Variants in SEZ6L observed in about 807,000 individuals in gnomAD.
The protein encoded by SEZ6L is seizure related 6 homolog like, also known as seizure 6-like protein.
Under a neutral mutation model 106.2 loss-of-function variants are expected in SEZ6L, and 37 were observed. The ratio of observed to expected loss-of-function variants is 0.35; its 90% CI spans 0.27 to 0.46. The LOEUF is 0.46. Among genes scored for constraint, SEZ6L ranks in the 20% least tolerant of loss-of-function variants. The pLI, the probability that SEZ6L is intolerant of heterozygous loss-of-function variation, is 1.00. For missense variants in SEZ6L, 1,172 were observed against 1,332.8 expected, an observed-to-expected ratio of 0.88 and a Z score of 1.88; for synonymous variants, 541 against 570.4, an observed-to-expected ratio of 0.95 and a Z score of 0.73.
At chr22:26,220,702 C>G (rs543671523) in intron 1 of SEZ6L, among the ~76,000 whole-genome samples, 1 of 152,314 alleles carries the variant, frequency 6.6e-6, no homozygotes, top group East Asian at 1.9e-4. Context: ...CTGCAATCCC[C>G]TGCCTGTCCC....
At chr22:26,268,835 C>A (rs971364311) in intron 1 of SEZ6L, among the ~76,000 whole-genome samples, 6 of 152,186 alleles carry the variant, frequency 3.9e-5, no homozygotes, top group Admixed American at 6.5e-5. Context: ...AGTTGAGAAC[C>A]AGTGGCCTAT....
Position 26,292,453 on chromosome 22 carries a change from C to T in SEZ6L, c.142C>T (p.Pro48Ser). The T allele has an allele frequency of 6.2e-7, 1 of 1,613,918 alleles. No homozygotes were observed. Among genetic ancestry groups the T allele is most frequent in the Non-Finnish European group, 8.5e-7 (1 of 1,179,914 alleles). ...TAGCCCTTTGGGTCCTTACCTCCTGCCCTCAGGAGCCCCGGAGAGAGGCAG... is the reference window on the plus strand; with the variant it reads ...TAGCCCTTTGGGTCCTTACCTCCTGTCCTCAGGAGCCCCGGAGAGAGGCAG... ...DASPLGPYLL[P>S]SGAPERGSPG... Residue 48 changes from proline to serine, a missense_variant, in exon 2 of 17, where the codon CCC becomes TCC. Pro to Ser is a moderately conservative substitution (Grantham distance 74). Transcript: ENST00000248933.
At chr22:26,339,677 G>T (rs1253780206) in intron 9 of SEZ6L, among the ~76,000 whole-genome samples, 1 of 152,098 alleles carries the variant, frequency 6.6e-6, no homozygotes, top group African/African-American at 2.4e-5. Flanking sequence ...TGAGGAATTT[G>T]CCCCGTGATA....
At chr22:26,305,883 C>T (rs943018459) in intron 5 of SEZ6L, 96 bp from the exon 6 acceptor site, 1 of 1,125,870 alleles carries the variant, frequency 8.9e-7, no homozygotes. Flanking sequence ...GAAACACTCA[C>T]TTCCTTCTCT....
chr22:26,299,266 T>C, intron 5 of SEZ6L, 97 bp downstream of exon 5: 1 of 1,065,158 alleles, frequency 9.4e-7, no homozygotes, highest in Non-Finnish European at 1.2e-6. Flanking sequence ...GGAATGGCTT[T>C]CAGCCCAGGG....
intron 9 of SEZ6L, 105 bp from the exon 10 acceptor site, chr22:26,340,331 C>A: frequency 9.6e-7 from 1 of 1,038,292 alleles, no homozygotes; most frequent in Non-Finnish European, 1.4e-6. Context: ...GAGCCTGACA[C>A]ATACACACTT....
chr22:26,359,535 T>C (rs8135427), intron 12 of SEZ6L, among the ~76,000 whole-genome samples: 11,602 of 152,176 alleles, frequency 0.076, 1,560 homozygotes, highest in African/African-American at 0.26. Flanking sequence ...TGATGGCTCA[T>C]GCCTGTAATC....
At chr22:26,195,195 T>G (rs1405979148) in intron 1 of SEZ6L, among the ~76,000 whole-genome samples, 1 of 152,206 alleles carries the variant, frequency 6.6e-6, no homozygotes, top group African/African-American at 2.4e-5. Context: ...CCTCAAACTC[T>G]CAAGCTATCT....
chr22:26,351,456 T>A (rs1353424541), intron 12 of SEZ6L: 1 of 486,568 alleles, frequency 2.1e-6, no homozygotes. Context: ...CTAAGTCTTC[T>A]ACCAAATTTC....
intron 1 of SEZ6L, among the ~76,000 whole-genome samples, chr22:26,196,512 G>T (rs1341867841): frequency 6.6e-6 from 1 of 152,188 alleles, no homozygotes; most frequent in Non-Finnish European, 1.5e-5. Context: ...GACAAAGTCA[G>T]GCTCCAGAAC....
At chr22:26,320,193 G>T (rs925677606) in intron 9 of SEZ6L, among the ~76,000 whole-genome samples, 1 of 152,178 alleles carries the variant, frequency 6.6e-6, no homozygotes, top group Non-Finnish European at 1.5e-5. Flanking sequence ...GCGGGAGGGG[G>T]ACTTCAAGGT....
intron 2 of SEZ6L, among the ~76,000 whole-genome samples, chr22:26,293,453 C>G (rs2081203390): frequency 1.3e-5 from 2 of 152,192 alleles, no homozygotes; most frequent in Non-Finnish European, 2.9e-5. Flanking sequence ...GCCTCAGCCT[C>G]TTGAGTAGCT....
chr22:26,179,951 T>C (rs941053766), intron 1 of SEZ6L, among the ~76,000 whole-genome samples: 1 of 152,216 alleles, frequency 6.6e-6, no homozygotes, highest in African/African-American at 2.4e-5. Context: ...GAATTAAAAA[T>C]TGAGTTCCTC....
chr22:26,262,358 G>A (rs2080043957), intron 1 of SEZ6L, among the ~76,000 whole-genome samples: 1 of 151,884 alleles, frequency 6.6e-6, no homozygotes, highest in South Asian at 2.1e-4. Context: ...CTCAACTGCA[G>A]CACATCTCCT....
At chr22:26,207,660 TA>T (rs758732921) in intron 1 of SEZ6L, among the ~76,000 whole-genome samples, 2 of 152,242 alleles carry the variant, frequency 1.3e-5, no homozygotes, top group African/African-American at 4.8e-5. Flanking sequence ...CATTTTAATT[TA>T]CCTGTTGGTT....
chr22:26,208,029 C>T (rs1309812912), intron 1 of SEZ6L, among the ~76,000 whole-genome samples: 1 of 151,936 alleles, frequency 6.6e-6, no homozygotes, highest in Non-Finnish European at 1.5e-5. Context: ...CCTGCCTCAG[C>T]CTCTCGTGTA....
intron 15 of SEZ6L, among the ~76,000 whole-genome samples, chr22:26,376,040 A>G (rs5752314): frequency 0.48 from 73,706 of 151,978 alleles, 19,116 homozygotes; most frequent in East Asian, 0.94. Flanking sequence ...AATCTGTTGT[A>G]TATCAGACAT....
At chr22:26,198,209 A>G (rs1050503271) in intron 1 of SEZ6L, among the ~76,000 whole-genome samples, 1 of 152,242 alleles carries the variant, frequency 6.6e-6, no homozygotes, top group African/African-American at 2.4e-5. Context: ...TGCTTCTGTG[A>G]AACAGAGGTG....
At position 26,380,906 on chromosome 22, in the gene SEZ6L, C is replaced by G. The variant is rs1435871904; in HGVS notation, c.*611C>G. 2 of 152,222 alleles carry G rather than the reference C, an allele frequency of 1.3e-5. No homozygotes were observed. Among genetic ancestry groups the G allele is most frequent in the African/African-American group, 4.8e-5 (2 of 41,446 alleles). The allele number at this position is 152,222 out of a possible 1,614,324, so 9.4% of individuals were successfully genotyped here. A position where few individuals can be genotyped will look rare whatever the true frequency, so the allele number is the denominator to read the frequency against. On this transcript the variant is annotated 3_prime_UTR_variant, in exon 17 of 17. Coordinates refer to ENST00000248933, the MANE Select transcript of SEZ6L (RefSeq NM_021115.5). ...TATATAAACATTGTCTTTTACCACT[C>G]TGGCCTCGCTGGACAGTGACAAAAC...
Sources: allele counts gnomAD v4.1 joint callset (sites outside exome capture counted in the v4.1 genomes callset), GRCh38; gene constraint gnomAD v4.1.1; transcripts MANE v1.5; gene names NCBI Gene and HGNC (gene_info 2026-07-23, HGNC 2026-07-21).